Variants in SPOCK1 observed in about 807,000 individuals in gnomAD.
SPOCK1 encodes SPARC (osteonectin), cwcv and kazal like domains proteoglycan 1, also known as testican-1.
SPOCK1 carries 23 observed loss-of-function variants against 55.3 expected under a neutral mutation model. The observed-to-expected ratio is 0.42, with a 90% confidence interval of 0.30 to 0.59. SPOCK1 has a LOEUF of 0.59. Among genes scored for constraint, SPOCK1 ranks in the 20% least tolerant of loss-of-function variants. The probability of loss-of-function intolerance (pLI) is 0.22; values close to 1 mark genes in which losing one functional copy is unlikely to be tolerated. For missense variants in SPOCK1, 499 were observed against 552.5 expected, an observed-to-expected ratio of 0.90 and a Z score of 0.97; for synonymous variants, 226 against 221.0, an observed-to-expected ratio of 1.02 and a Z score of -0.20.
At chr5:137,391,905 ACACT>A (rs1751733298) in intron 2 of SPOCK1, among the ~76,000 whole-genome samples, 1 of 152,002 alleles carries the variant, frequency 6.6e-6, no homozygotes, top group Non-Finnish European at 1.5e-5. Context: ...TCTAAATCTG[ACACT>A]CACATACTGC....
chr5:136,984,763 T>C (rs1177082237), intron 9 of SPOCK1, among the ~76,000 whole-genome samples: 1 of 152,238 alleles, frequency 6.6e-6, no homozygotes, highest in East Asian at 1.9e-4. Flanking sequence ...CAGACAATCC[T>C]ATCCGGGGAA....
intron 3 of SPOCK1, among the ~76,000 whole-genome samples, chr5:137,198,069 A>G (rs1755337941): frequency 6.6e-6 from 1 of 152,240 alleles, no homozygotes; most frequent in Admixed American, 6.5e-5. Context: ...TCTGTTATGA[A>G]ATTGGGGTCA....
intron 6 of SPOCK1, among the ~76,000 whole-genome samples, chr5:137,036,873 AGTGATAGACACG>A: frequency 6.6e-6 from 1 of 152,182 alleles, no homozygotes; most frequent in East Asian, 1.9e-4. Flanking sequence ...AAGGTGAGAC[AGTGATAGACACG>A]GTGAGCAGTT....
chr5:137,219,101 G>A (rs569924624), intron 3 of SPOCK1, among the ~76,000 whole-genome samples: 2 of 152,200 alleles, frequency 1.3e-5, no homozygotes, highest in South Asian at 4.2e-4. Context: ...AATAGATGAC[G>A]GCTGCCAAAT....
At chr5:137,376,560 A>G (rs1751323066) in intron 2 of SPOCK1, among the ~76,000 whole-genome samples, 1 of 152,252 alleles carries the variant, frequency 6.6e-6, no homozygotes, top group African/African-American at 2.4e-5. Flanking sequence ...GCCTTTTAAA[A>G]GGGAAATTAT....
intron 2 of SPOCK1, among the ~76,000 whole-genome samples, chr5:137,464,415 A>G (rs949709241): frequency 2.6e-5 from 4 of 152,196 alleles, no homozygotes; most frequent in African/African-American, 9.6e-5. Context: ...TACCCCACAA[A>G]CATATACACC....
intron 6 of SPOCK1, among the ~76,000 whole-genome samples, chr5:137,024,314 A>AGAG (rs1554093472): frequency 8.4e-6 from 1 of 119,194 alleles, no homozygotes; most frequent in Admixed American, 8.8e-5. Flanking sequence ...ACCAGTTTGA[A>AGAG]GGGGGGGGGG....
At chr5:137,285,126 C>T (rs1400254036) in intron 2 of SPOCK1, among the ~76,000 whole-genome samples, 2 of 152,180 alleles carry the variant, frequency 1.3e-5, no homozygotes, top group Non-Finnish European at 2.9e-5. Context: ...AACAGCCAAG[C>T]GGGTTGCTCG....
At position 137,334,633 on chromosome 5, in the gene SPOCK1, C is replaced by T. The variant is rs149588882; in HGVS notation, c.187-67578G>A. On this transcript the variant is annotated intron_variant, in intron 2 of 10. Transcript: ENST00000394945. ...TAAAAATCAATAGCTGTAACACAGTCTTCGGTTCAGAATGAAGCAATAACC... is the reference window on the plus strand; with the variant it reads ...TAAAAATCAATAGCTGTAACACAGTTTTCGGTTCAGAATGAAGCAATAACC... 2.2e-3 allele frequency among the ~76,000 whole-genome samples: 340 copies of T among 152,314 alleles called. 5 individuals carry two copies. The highest frequency in any genetic ancestry group is 7.4e-3 in the African/African-American group (307 of 41,570).
At chr5:137,164,290 G>A (rs1319721844) in intron 3 of SPOCK1, among the ~76,000 whole-genome samples, 1 of 152,028 alleles carries the variant, frequency 6.6e-6, no homozygotes, top group African/African-American at 2.4e-5. Context: ...CAGTGGGGAG[G>A]CTCCAATTCC....
chr5:137,293,861 A>G (rs926047277), intron 2 of SPOCK1, among the ~76,000 whole-genome samples: 29 of 151,978 alleles, frequency 1.9e-4, no homozygotes, highest in African/African-American at 5.8e-4. Flanking sequence ...CTAAAAATAC[A>G]AAAAAATTAG....
intron 6 of SPOCK1, among the ~76,000 whole-genome samples, chr5:137,054,927 A>C (rs1752273594): frequency 6.6e-6 from 1 of 152,180 alleles, no homozygotes; most frequent in African/African-American, 2.4e-5. Flanking sequence ...GTGCCAGTAC[A>C]TAAGGTCCAA....
intron 2 of SPOCK1, 101 bp downstream of exon 2, chr5:137,498,271 CA>C: frequency 1.2e-6 from 1 of 857,160 alleles, no homozygotes; most frequent in Non-Finnish European, 1.5e-6. Context: ...CCCAACCACA[CA>C]CACACACACA....
intron 7 of SPOCK1, among the ~76,000 whole-genome samples, chr5:136,989,527 T>C (rs866323766): frequency 2.0e-5 from 3 of 152,230 alleles, no homozygotes; most frequent in Non-Finnish European, 4.4e-5. Context: ...ATAGAAAGCA[T>C]GCTTCTAAGC....
At chr5:137,031,932 A>ATACATATG (rs1751787462) in intron 6 of SPOCK1, among the ~76,000 whole-genome samples, 1 of 151,066 alleles carries the variant, frequency 6.6e-6, no homozygotes, top group Non-Finnish European at 1.5e-5. Flanking sequence ...ACACACATAC[A>ATACATATG]TACATATGTG....
rs1277460315 is a variant in SPOCK1, at chr5:137,483,071, G to A, written c.186+15302C>T. 2.6e-5 allele frequency among the ~76,000 whole-genome samples: 4 copies of A among 152,216 alleles called. No individual in the cohort carries two copies. The South Asian group carries it at 6.2e-4, about 24-fold the overall frequency. Reference sequence around the variant, plus strand: ...ATTTAGGCTGGGCATGGTGGCTCACGCCTGTAATCCCAGCACTTTGGAAGG... The same window carrying A: ...ATTTAGGCTGGGCATGGTGGCTCACACCTGTAATCCCAGCACTTTGGAAGG... On this transcript the variant is annotated intron_variant, in intron 2 of 10. Coordinates refer to ENST00000394945, the MANE Select transcript of SPOCK1 (RefSeq NM_004598.4).
intron 3 of SPOCK1, among the ~76,000 whole-genome samples, chr5:137,190,354 C>A (rs937618359): frequency 1.3e-5 from 2 of 152,166 alleles, no homozygotes; most frequent in South Asian, 2.1e-4. Context: ...TTAGCAACCA[C>A]CAATCTGATC....
chr5:136,979,741 C>T (rs1188475429), intron 9 of SPOCK1, among the ~76,000 whole-genome samples: 1 of 152,120 alleles, frequency 6.6e-6, no homozygotes, highest in African/African-American at 2.4e-5. Context: ...TGACCTAAAT[C>T]GTGCTTACAT....
intron 3 of SPOCK1, among the ~76,000 whole-genome samples, chr5:137,197,736 C>T (rs1474802711): frequency 1.3e-5 from 2 of 152,136 alleles, no homozygotes; most frequent in Non-Finnish European, 2.9e-5. Context: ...AATCTAGTTC[C>T]ACTTCCTAAC....
Sources: allele counts gnomAD v4.1 joint callset (sites outside exome capture counted in the v4.1 genomes callset), GRCh38; gene constraint gnomAD v4.1.1; transcripts MANE v1.5; gene names NCBI Gene and HGNC (gene_info 2026-07-23, HGNC 2026-07-21).